Variants in CDK13 observed in about 807,000 individuals in gnomAD.
The protein encoded by CDK13 is cyclin dependent kinase 13.
A neutral mutation model predicts 137.6 loss-of-function variants in CDK13; 40 were observed. That is an observed-to-expected ratio of 0.29 (90% CI 0.23 to 0.38). The LOEUF (loss-of-function observed/expected upper bound fraction) is 0.38. Among genes scored for constraint, CDK13 ranks in the 10% least tolerant of loss-of-function variants. The pLI is 1.00. For synonymous variants in CDK13, 869 were observed against 760.1 expected, an observed-to-expected ratio of 1.14 and a Z score of -2.36; for missense variants, 1,704 against 1,951.8, an observed-to-expected ratio of 0.87 and a Z score of 2.39.
intron 1 of CDK13, among the ~76,000 whole-genome samples, chr7:39,981,192 C>A (rs1784214902): frequency 1.3e-5 from 2 of 151,934 alleles, no homozygotes. Context: ...TATGGCGAAA[C>A]CCCTATCCCT....
intron 5 of CDK13, among the ~76,000 whole-genome samples, chr7:40,045,057 G>C (rs1278247311): frequency 6.6e-6 from 1 of 152,168 alleles, no homozygotes; most frequent in African/African-American, 2.4e-5. Flanking sequence ...TTTACCGAGA[G>C]TTCTTTGCTC....
intron 7 of CDK13, among the ~76,000 whole-genome samples, chr7:40,050,452 C>T (rs1392489597): frequency 2.0e-5 from 3 of 152,016 alleles, no homozygotes; most frequent in Non-Finnish European, 2.9e-5. Flanking sequence ...AGTGCAGTGG[C>T]GTGATCTCAG....
chr7:39,997,822 T>C (rs566674301), intron 3 of CDK13, 158 bp downstream of exon 3: 1 of 571,690 alleles, frequency 1.7e-6, no homozygotes, highest in Non-Finnish European at 3.0e-6. Context: ...AAAATCATAA[T>C]TGCTTGCATT....
chr7:40,089,450 A>T lies in CDK13; in HGVS notation c.3235+1119A>T, dbSNP rs572851227. ...GCGAGACTGTCTCAAAAAAAAAAAA[A>T]AAAAGGATATCTTATATCTAGTTAT... On this transcript the variant is annotated intron_variant, in intron 12 of 13. Coordinates refer to ENST00000181839, the MANE Select transcript of CDK13 (RefSeq NM_003718.5). Among the ~76,000 whole-genome samples, 59 of 152,164 alleles carry T rather than the reference A, an allele frequency of 3.9e-4. 1 individual carries two copies. In the South Asian group the frequency reaches 0.012, roughly 31 times the overall value.
chr7:39,976,437 A>G (rs1258202592), intron 1 of CDK13, among the ~76,000 whole-genome samples: 2 of 151,856 alleles, frequency 1.3e-5, no homozygotes, highest in East Asian at 3.9e-4. Flanking sequence ...TTGGGTTTGA[A>G]TATTGACTCT....
chr7:40,069,505 G>T, intron 9 of CDK13: 2 of 314,274 alleles, frequency 6.4e-6, no homozygotes, highest in South Asian at 2.8e-5. Context: ...CTGATAACAT[G>T]CTTAGGGTTG....
Position 40,051,614 on chromosome 7 carries a change from G to T in CDK13, c.2600+3737G>T, listed in dbSNP as rs373965224. ...AATAACTGAATTGTTCAAGAATTTT[G>T]TGTAAGGTTTTTTGTTTGTAAATAG... On this transcript the variant is annotated intron_variant, in intron 7 of 13. Coordinates refer to ENST00000181839, the MANE Select transcript of CDK13 (RefSeq NM_003718.5). Among the ~76,000 whole-genome samples the T allele has an allele frequency of 1.1e-3, 162 of 152,290 alleles. 1 individual carries two copies. The South Asian group carries it at 0.011, about 11-fold the overall frequency.
chr7:40,044,143 C>T (rs1186979452), intron 5 of CDK13, among the ~76,000 whole-genome samples: 1 of 151,640 alleles, frequency 6.6e-6, no homozygotes, highest in Non-Finnish European at 1.5e-5. Context: ...GTGATCCGCC[C>T]ACTTTGGCCT....
At chr7:40,061,257 T>C (rs981001272) in intron 7 of CDK13, 2 of 152,224 alleles carry the variant, frequency 1.3e-5, no homozygotes, top group African/African-American at 4.8e-5. Flanking sequence ...AAACCTAATC[T>C]TAATTTACTA....
intron 4 of CDK13, among the ~76,000 whole-genome samples, chr7:40,000,232 C>T (rs373997578): frequency 3.9e-5 from 6 of 152,162 alleles, no homozygotes; most frequent in South Asian, 2.1e-4. Flanking sequence ...AAAAGTTAGC[C>T]GGGCATAGTG....
intron 1 of CDK13, among the ~76,000 whole-genome samples, chr7:39,981,398 A>C (rs1472274941): frequency 1.3e-5 from 2 of 151,890 alleles, no homozygotes; most frequent in African/African-American, 4.8e-5. Flanking sequence ...TCTATTAAAC[A>C]AGGAGGTTGG....
At chr7:39,993,936 T>A (rs1393577543) in intron 2 of CDK13, among the ~76,000 whole-genome samples, 1 of 152,120 alleles carries the variant, frequency 6.6e-6, no homozygotes, top group African/African-American at 2.4e-5. Flanking sequence ...TAGTGTCAAT[T>A]TTGACAGTCT....
intron 5 of CDK13, among the ~76,000 whole-genome samples, chr7:40,038,230 A>C (rs1785528523): frequency 6.6e-6 from 1 of 152,164 alleles, no homozygotes; most frequent in African/African-American, 2.4e-5. Flanking sequence ...GCAATGTTGT[A>C]AGTGCTCTGC....
Position 40,094,411 on chromosome 7 carries a change from C to A in CDK13, c.3970C>A (p.Gln1324Lys). 1.2e-6 allele frequency: 2 copies of A among 1,614,052 alleles called. No homozygotes were observed. Among genetic ancestry groups the A allele is most frequent in the African/African-American group, 2.7e-5 (2 of 75,018 alleles). The change falls in exon 14 of 14, where the codon CAA (glutamine) becomes AAA (lysine). Residue 1324 changes from glutamine to lysine, a missense_variant. Coordinates refer to ENST00000181839, the MANE Select transcript of CDK13 (RefSeq NM_003718.5). Reference sequence around the variant, plus strand: ...CAAAAGAGAAGGTGGGATTGATTATCAAGCAGGAGACACTTACGTGTCCAC... The same window carrying A: ...CAAAAGAGAAGGTGGGATTGATTATAAAGCAGGAGACACTTACGTGTCCAC... ...DPKREGGIDY[Q>K]AGDTYVSTSD... is the part of the protein sequence containing the mutation.
intron 9 of CDK13, among the ~76,000 whole-genome samples, chr7:40,068,324 T>C (rs1192375031): frequency 6.6e-6 from 1 of 151,644 alleles, no homozygotes; most frequent in Non-Finnish European, 1.5e-5. Flanking sequence ...TTTTTTTTTT[T>C]AGGAATATGT....
chr7:39,986,870 C>T (rs1784348135), intron 1 of CDK13: 1 of 152,080 alleles, frequency 6.6e-6, no homozygotes, highest in Admixed American at 6.6e-5. Flanking sequence ...GAATGGAGCC[C>T]TCCGCCTCCC....
At chr7:39,972,625 GT>G (rs1441826039) in intron 1 of CDK13, among the ~76,000 whole-genome samples, 3 of 152,118 alleles carry the variant, frequency 2.0e-5, no homozygotes, top group Non-Finnish European at 2.9e-5. Context: ...TGTTTTCAAG[GT>G]TTATCTGTGT....
intron 7 of CDK13, among the ~76,000 whole-genome samples, chr7:40,058,425 A>G (rs1288435192): frequency 3.3e-5 from 5 of 152,090 alleles, no homozygotes; most frequent in African/African-American, 7.2e-5. Flanking sequence ...CTGTAATCCA[A>G]GCTACTCCAG....
At chr7:39,986,133 G>A (rs948469319) in intron 1 of CDK13, 3 of 152,198 alleles carry the variant, frequency 2.0e-5, no homozygotes, top group Non-Finnish European at 4.4e-5. Context: ...ATGAGTTCAG[G>A]TGTTGACTTC....
Sources: gnomAD v4.1 joint callset for allele counts (sites outside exome capture counted in the v4.1 genomes callset) on GRCh38, gnomAD v4.1.1 for gene constraint, MANE v1.5 for transcripts, NCBI Gene and HGNC (gene_info 2026-07-23, HGNC 2026-07-21) for gene names.